Variants in CRB1 observed in about 807,000 individuals in gnomAD.
The protein encoded by CRB1 is protein crumbs homolog 1.
CRB1 carries 83 observed loss-of-function variants against 120.0 expected under a neutral mutation model. The ratio of observed to expected loss-of-function variants is 0.69; its 90% confidence interval spans 0.58 to 0.83. The LOEUF (loss-of-function observed/expected upper bound fraction) is 0.83. Ranked by LOEUF, CRB1 falls within the 40% of genes least tolerant of loss-of-function variation. CRB1 has a pLI of 0.00. For synonymous variants in CRB1, 625 were observed against 612.5 expected (o/e 1.02, Z -0.30); for missense variants, 1,699 against 1,687.6 (o/e 1.01, Z -0.12).
rs1667262233 is a variant in CRB1 at position 197,477,764 on chromosome 1, C to A, written c.4106C>A (p.Thr1369Asn). 1 of 1,613,870 alleles carries A rather than the reference C, an allele frequency of 6.2e-7. No homozygotes were observed. The highest frequency in any genetic ancestry group is 8.5e-7 in the Non-Finnish European group (1 of 1,179,886). ...LLLAIVASVV[T>N]SNKRATQGTY... ...CTGGCCATTGTTGCTTCTGTTGTCA[C>A]CTCCAACAAAAGGGCAACTCAGGGA... The change falls in exon 12 of 12, where the codon ACC (threonine) becomes AAC (asparagine). Residue 1369 changes from threonine (T) to asparagine (N), a missense_variant. Thr to Asn is a moderately conservative substitution (Grantham distance 65). Transcript: ENST00000367400.
intron 5 of CRB1, among the ~76,000 whole-genome samples, chr1:197,419,987 G>GA (rs398053681): frequency 0.071 from 3,294 of 46,354 alleles, 130 homozygotes; most frequent in Admixed American, 0.25. Flanking sequence ...TCTCAAAAAC[G>GA]AAAAAAAAAA....
chr1:197,315,268 C>T (rs1657773015), intron 1 of CRB1, among the ~76,000 whole-genome samples: 1 of 152,146 alleles, frequency 6.6e-6, no homozygotes, highest in Non-Finnish European at 1.5e-5. Flanking sequence ...AATGGCCAAA[C>T]TAGTTTGGTT....
chr1:197,402,411 G>A (rs1483804050), intron 5 of CRB1, among the ~76,000 whole-genome samples: 3 of 152,146 alleles, frequency 2.0e-5, no homozygotes, highest in African/African-American at 4.8e-5. Context: ...TGGCTGCATA[G>A]TATTCCATGG....
intron 1 of CRB1, among the ~76,000 whole-genome samples, chr1:197,303,513 C>T (rs1475677497): frequency 1.3e-5 from 2 of 151,914 alleles, no homozygotes; most frequent in East Asian, 3.9e-4. Flanking sequence ...ATGACTGTAT[C>T]TAGCTTTTGA....
chr1:197,397,095 T>G (rs750753629), intron 5 of CRB1, among the ~76,000 whole-genome samples: 6 of 152,024 alleles, frequency 3.9e-5, no homozygotes, highest in African/African-American at 1.4e-4. Flanking sequence ...AACTCAAGAA[T>G]GTAAACAAAC....
intron 5 of CRB1, 40 bp downstream of exon 5, chr1:197,357,053 A>G (rs1558078660): frequency 6.3e-7 from 1 of 1,597,124 alleles, no homozygotes; most frequent in Non-Finnish European, 8.6e-7. Flanking sequence ...ACTTTCTGGT[A>G]TTTTATGGCA....
intron 1 of CRB1, among the ~76,000 whole-genome samples, chr1:197,274,286 A>G (rs1655067336): frequency 6.6e-6 from 1 of 152,188 alleles, no homozygotes; most frequent in African/African-American, 2.4e-5. Flanking sequence ...GTTTAGGTAC[A>G]GTACTTATAG....
At position 197,435,293 on chromosome 1, in the gene CRB1, A is replaced by C. The variant is rs1308267840; in HGVS notation, c.3430A>C (p.Asn1144His). Reference sequence around the variant, plus strand: ...TGGCTGTTTGCAGTTAAATGTCTGCAACTCCAACCCCTGTTTGCATGGAGG... The same window carrying C: ...TGGCTGTTTGCAGTTAAATGTCTGCCACTCCAACCCCTGTTTGCATGGAGG... ...VTGCLQLNVC[N>H]SNPCLHGGNC... is the part of the protein sequence containing the mutation. The change falls in exon 9 of 12, where the codon AAC becomes CAC. Residue 1144 changes from asparagine to histidine, a missense_variant. By Grantham distance (68) the Asn-to-His change is moderately conservative (BLOSUM62 1). Coordinates refer to ENST00000367400, the MANE Select transcript of CRB1 (RefSeq NM_201253.3). The C allele has an allele frequency of 6.2e-7, 1 of 1,613,874 alleles. No individual in the cohort carries two copies. Among genetic ancestry groups the C allele is most frequent in the South Asian group, 1.1e-5 (1 of 91,084 alleles).
chr1:197,311,899 G>T (rs952898293), intron 1 of CRB1, among the ~76,000 whole-genome samples: 7 of 151,942 alleles, frequency 4.6e-5, no homozygotes, highest in Admixed American at 1.3e-4. Context: ...AAATATGCTG[G>T]ATTCTTTTGC....
At chr1:197,258,320 C>T in the CRB1 span, among the ~76,000 whole-genome samples, 1 of 151,982 alleles carries the variant, frequency 6.6e-6, no homozygotes, top group Non-Finnish European at 1.5e-5. Flanking sequence ...TAAAAAAATA[C>T]TTGGCCATAA....
chr1:197,397,843 G>A (rs1247851581), intron 5 of CRB1, among the ~76,000 whole-genome samples: 1 of 152,134 alleles, frequency 6.6e-6, no homozygotes, highest in African/African-American at 2.4e-5. Flanking sequence ...ATTGAGAACT[G>A]TTTTGGAGGG....
chr1:197,347,109 C>G lies in CRB1; in HGVS notation c.849-231C>G, dbSNP rs1337168. Among the ~76,000 whole-genome samples, 125,533 of 152,200 alleles carry G rather than the reference C, an allele frequency of 0.82. 52,028 individuals carry two copies. Among genetic ancestry groups the G allele is most frequent in the African/African-American group, 0.9 (37,461 of 41,544 alleles). On this transcript the variant is annotated intron_variant, in intron 3 of 11. Coordinates refer to ENST00000367400, the MANE Select transcript of CRB1 (RefSeq NM_201253.3). ...TCAATTTATGAATGAAGAAACTGAA[C>G]TAAATAGTCATGGTTTGCATGACCC...
At chr1:197,334,813 T>C (rs756493726) in intron 2 of CRB1, among the ~76,000 whole-genome samples, 3 of 152,212 alleles carry the variant, frequency 2.0e-5, no homozygotes, top group Non-Finnish European at 2.9e-5. Flanking sequence ...CTCAATGAAT[T>C]GGGCATTGTT....
intron 5 of CRB1, among the ~76,000 whole-genome samples, chr1:197,360,990 A>T (rs2125361851): frequency 6.6e-6 from 1 of 152,286 alleles, no homozygotes; most frequent in African/African-American, 2.4e-5. Flanking sequence ...ATTTGGTCAG[A>T]TGCATTTTCT....
intron 5 of CRB1, among the ~76,000 whole-genome samples, chr1:197,376,946 T>C (rs1661680857): frequency 6.6e-6 from 1 of 152,196 alleles, no homozygotes; most frequent in African/African-American, 2.4e-5. Flanking sequence ...TTAAAGTTAC[T>C]TGGTTAGGCC....
At chr1:197,228,182 A>G in the CRB1 span, among the ~76,000 whole-genome samples, 7 of 152,248 alleles carry the variant, frequency 4.6e-5, no homozygotes, top group East Asian at 3.9e-4. Context: ...GGGGATTAAC[A>G]TTTGGCTCCT....
chr1:197,240,837 T>G, the CRB1 span, among the ~76,000 whole-genome samples: 3 of 152,214 alleles, frequency 2.0e-5, no homozygotes, highest in African/African-American at 7.2e-5. Flanking sequence ...ACCAACTGTG[T>G]AAAAGTGTCC....
At chr1:197,405,846 AC>A (rs1302944147) in intron 5 of CRB1, among the ~76,000 whole-genome samples, 1 of 145,926 alleles carries the variant, frequency 6.9e-6, no homozygotes, top group Non-Finnish European at 1.5e-5. Context: ...CCTGGCAGCC[AC>A]CCCGTCTGGG....
At chr1:197,297,522 A>G in intron 1 of CRB1, among the ~76,000 whole-genome samples, 1 of 152,088 alleles carries the variant, frequency 6.6e-6, no homozygotes, top group South Asian at 2.1e-4. Flanking sequence ...AGGATGAAAG[A>G]TGACCAGTAG....
Sources: gnomAD v4.1 joint callset for allele counts (sites outside exome capture counted in the v4.1 genomes callset) on GRCh38, gnomAD v4.1.1 for gene constraint, MANE v1.5 for transcripts, NCBI Gene and HGNC (gene_info 2026-07-23, HGNC 2026-07-21) for gene names.